STC1: variants seen among roughly 807,000 people sequenced by gnomAD.
STC1 encodes the protein stanniocalcin-1.
STC1 carries 7 observed loss-of-function variants against 22.6 expected under a neutral mutation model. The ratio of observed to expected loss-of-function variants is 0.31; its 90% CI spans 0.18 to 0.58. The LOEUF is 0.58. STC1 is among the 20% of genes least tolerant of loss of function. The probability of loss-of-function intolerance (pLI) is 0.89; values close to 1 mark genes in which losing one functional copy is unlikely to be tolerated. For synonymous variants in STC1, 113 were observed against 120.7 expected, an observed-to-expected ratio of 0.94 and a Z score of 0.42; for missense variants, 224 against 311.0, an observed-to-expected ratio of 0.72 and a Z score of 2.10.
In STC1 at chr8:23,844,987, C is replaced by T. The variant is rs1802554866; in HGVS notation, c.527G>A (p.Ser176Asn). ...SLLECDEDTV[S>N]TIRDSLMEKI... Reference sequence around the variant, plus strand: ...CTCCATCAGGCTGTCTCTGATTGTGCTGACTGTGTCTTCATCACATTCCAG... The same window carrying T: ...CTCCATCAGGCTGTCTCTGATTGTGTTGACTGTGTCTTCATCACATTCCAG... Residue 176 changes from serine to asparagine, a missense_variant, in exon 4 of 4, where the codon AGC (serine) becomes AAC (asparagine). Physicochemically the swap from Ser to Asn is conservative, Grantham distance 46. Coordinates refer to ENST00000290271, the MANE Select transcript of STC1 (RefSeq NM_003155.3). The T allele has an allele frequency of 6.2e-7, 1 of 1,614,064 alleles. No individual in the cohort carries two copies. Among genetic ancestry groups the T allele is most frequent in the Admixed American group, 1.7e-5 (1 of 60,010 alleles).
intron 2 of STC1, 59 bp from the exon 3 acceptor site, chr8:23,851,590 C>A (rs1213663297): frequency 3.9e-6 from 6 of 1,530,768 alleles, no homozygotes; most frequent in Admixed American, 3.6e-5. Context: ...AGAGGATGGG[C>A]ATATACATGG....
At chr8:23,852,744 GCA>G (rs1460243808) in intron 1 of STC1, among the ~76,000 whole-genome samples, 1 of 152,164 alleles carries the variant, frequency 6.6e-6, no homozygotes, top group Non-Finnish European at 1.5e-5. Context: ...GCACTTGAAA[GCA>G]TGGGAAGGAA....
intron 2 of STC1, 95 bp downstream of exon 2, chr8:23,852,147 G>C: frequency 2.0e-6 from 3 of 1,507,404 alleles, no homozygotes; most frequent in Non-Finnish European, 2.7e-6. Context: ...TGAGAAGCAG[G>C]GCTGGTTCCC....
In STC1 at chr8:23,851,511, C is replaced by G; in HGVS notation, c.282G>C (p.Glu94Asp). Residue 94 changes from glutamate to aspartate, a missense_variant, in exon 3 of 4, where the codon GAG becomes GAC. Physicochemically the swap from Glu to Asp is conservative, Grantham distance 45. Transcript: ENST00000290271. ...FDTQGKAFVK[E>D]SLKCIANGVT... is the part of the protein sequence containing the mutation. Reference sequence around the variant, plus strand: ...CCCCGTTGGCGATGCATTTTAAGCTCTCTTTGACGAATGCTTTTCCCTGCC... The same window carrying G: ...CCCCGTTGGCGATGCATTTTAAGCTGTCTTTGACGAATGCTTTTCCCTGCC... 1 of 1,614,130 alleles carries G rather than the reference C, an allele frequency of 6.2e-7. No homozygotes were observed. Among genetic ancestry groups the G allele is most frequent in the Non-Finnish European group, 8.5e-7 (1 of 1,180,022 alleles).
At position 23,842,461 on chromosome 8, in the gene STC1, C is replaced by G. The variant is rs1802522375; in HGVS notation, c.*2309G>C. ...CATCGTGGGGAGAAAAGGGGGGGTA[C>G]CACGGTTTGAAGAGGTCACAGCCAA... On this transcript the variant is annotated 3_prime_UTR_variant, in exon 4 of 4. Coordinates refer to ENST00000290271, the MANE Select transcript of STC1 (RefSeq NM_003155.3). 7.9e-6 allele frequency: 1 copy of G among 127,172 alleles called. No homozygotes were observed. Among genetic ancestry groups the G allele is most frequent in the African/African-American group, 3.1e-5 (1 of 32,190 alleles). The allele number at this position is 127,172 out of a possible 1,614,324, so 7.9% of individuals were successfully genotyped here. A position where few individuals can be genotyped will look rare whatever the true frequency, so the allele number is the denominator to read the frequency against.
At position 23,844,605 on chromosome 8, in the gene STC1, G is replaced by A. The variant is rs1210635113; in HGVS notation, c.*165C>T. The A allele has an allele frequency of 5.3e-6, 4 of 752,468 alleles. No individual in the cohort carries two copies. The Admixed American group carries it at 1.2e-4, about 22-fold the overall frequency. 46.6% of individuals were successfully genotyped at this position (752,468 alleles called of 1,614,324 possible). A position where few individuals can be genotyped will look rare whatever the true frequency, so the allele number is the denominator to read the frequency against. The stretch of plus-strand genomic sequence containing the variant: ...GGAATGCTGCCATTGCAGAATGTTG[G>A]GATATTGATTACAGAAGCCTAGTTT... On this transcript the variant is annotated 3_prime_UTR_variant, in exon 4 of 4. Transcript: ENST00000290271.
intron 3 of STC1, among the ~76,000 whole-genome samples, chr8:23,848,892 G>A (rs1012175860): frequency 6.6e-6 from 1 of 152,160 alleles, no homozygotes; most frequent in Admixed American, 6.5e-5. Flanking sequence ...AGAGTTGGAA[G>A]CTTTGTCAGT....
intron 3 of STC1, 91 bp downstream of exon 3, chr8:23,851,229 T>C: frequency 8.3e-7 from 1 of 1,208,652 alleles, no homozygotes; most frequent in Non-Finnish European, 1.2e-6. Context: ...AGCATGACTG[T>C]GGCAATTTAA....
At chr8:23,851,119 A>G (rs1405266505) in intron 3 of STC1, among the ~76,000 whole-genome samples, 2 of 151,908 alleles carry the variant, frequency 1.3e-5, no homozygotes, top group Non-Finnish European at 2.9e-5. Context: ...TTTTCCTATA[A>G]CAGTAGGGAA....
chr8:23,854,766 G>A lies in STC1; in HGVS notation c.-243C>T, dbSNP rs1364695045. On this transcript the variant is annotated 5_prime_UTR_variant, in exon 1 of 4. Coordinates refer to ENST00000290271, the MANE Select transcript of STC1 (RefSeq NM_003155.3). Reference sequence around the variant, plus strand: ...TGCCACCGCCGCTGCTGCTGCTGCTGCTGCAGTCGCTGCTTCTTGCACCTC... The same window carrying A: ...TGCCACCGCCGCTGCTGCTGCTGCTACTGCAGTCGCTGCTTCTTGCACCTC... 1.6e-6 allele frequency: 1 copy of A among 608,112 alleles called. No homozygotes were observed. The highest frequency in any genetic ancestry group is 3.1e-6 in the Non-Finnish European group (1 of 327,170). 37.7% of individuals were successfully genotyped at this position (608,112 alleles called of 1,614,324 possible).
chr8:23,854,290 T>A, intron 1 of STC1, 116 bp downstream of exon 1: 1 of 1,046,908 alleles, frequency 9.6e-7, no homozygotes, highest in Non-Finnish European at 1.4e-6. Flanking sequence ...TTTATTGCCA[T>A]CAGGCATGAA....
At position 23,842,980 on chromosome 8, in the gene STC1, C is replaced by T. The variant is rs1358999950; in HGVS notation, c.*1790G>A. 1.3e-5 allele frequency: 2 copies of T among 152,616 alleles called. No homozygotes were observed. The highest frequency in any genetic ancestry group is 4.8e-5 in the African/African-American group (2 of 41,422). The allele number at this position is 152,616 out of a possible 1,614,324, so 9.5% of individuals were successfully genotyped here. On this transcript the variant is annotated 3_prime_UTR_variant, in exon 4 of 4. Transcript: ENST00000290271. Reference sequence around the variant, plus strand: ...CTTTTCATTTTTCTGGAGATGTGCCCTCTCTCCTCCCACCAGGATCCCTAT... The same window carrying T: ...CTTTTCATTTTTCTGGAGATGTGCCTTCTCTCCTCCCACCAGGATCCCTAT...
In STC1 at chr8:23,851,381, C is replaced by T. The variant is rs1477056147; in HGVS notation, c.412G>A (p.Ala138Thr). ...GTGATGGCTTCAGGGTTCCGCTTGG[C>T]GATGCTGCACACATTCAGCTTGCTG... ...CYSKLNVCSI[A>T]KRNPEAITEV... The change falls in exon 3 of 4, where the codon GCC becomes ACC. Residue 138 changes from alanine to threonine, a missense_variant. Coordinates refer to ENST00000290271, the MANE Select transcript of STC1 (RefSeq NM_003155.3). 12 of 1,614,108 alleles carry T rather than the reference C, an allele frequency of 7.4e-6. No homozygotes were observed. Among genetic ancestry groups the T allele is most frequent in the East Asian group, 2.2e-5 (1 of 44,868 alleles).
rs747922337 is a variant in STC1, at chr8:23,844,725, TA to T, written c.*44del. On this transcript the variant is annotated 3_prime_UTR_variant, in exon 4 of 4. Coordinates refer to ENST00000290271, the MANE Select transcript of STC1 (RefSeq NM_003155.3). Reference sequence around the variant, plus strand: ...CTCAAAACTGGTGTGTCAACACCCCTAAAATGATACTAGTTTGGTGAGGTTG... The same window carrying T: ...CTCAAAACTGGTGTGTCAACACCCCTAAATGATACTAGTTTGGTGAGGTTG... 1 of 1,600,742 alleles carries T rather than the reference TA, an allele frequency of 6.2e-7. No homozygotes were observed. The highest frequency in any genetic ancestry group is 1.1e-5 in the South Asian group (1 of 90,380).
At chr8:23,852,151 G>T in intron 2 of STC1, 91 bp downstream of exon 2, 22 of 1,529,660 alleles carry the variant, frequency 1.4e-5, no homozygotes, top group Non-Finnish European at 2.0e-5. Flanking sequence ...AAGCAGGGCT[G>T]GTTCCCTACA....
rs193149116 is a variant in STC1, at chr8:23,853,138, A to G, written c.119-754T>C. ...TGGAAGAAAACCGCAAAAAACTTGCATGAGGCTTTCTACATTCTGGATAAG... is the reference window on the plus strand; with the variant it reads ...TGGAAGAAAACCGCAAAAAACTTGCGTGAGGCTTTCTACATTCTGGATAAG... On this transcript the variant is annotated intron_variant, in intron 1 of 3. Coordinates refer to ENST00000290271, the MANE Select transcript of STC1 (RefSeq NM_003155.3). Among the ~76,000 whole-genome samples, 3 of 152,360 alleles carry G rather than the reference A, an allele frequency of 2.0e-5. No individual in the cohort carries two copies. In the East Asian group the frequency reaches 5.8e-4, roughly 29 times the overall value.
chr8:23,842,442 G>A lies in STC1; in HGVS notation c.*2328C>T, dbSNP rs1399134194. 2 of 147,372 alleles carry A rather than the reference G, an allele frequency of 1.4e-5. No homozygotes were observed. Among genetic ancestry groups the A allele is most frequent in the Non-Finnish European group, 3.0e-5 (2 of 67,240 alleles). The allele number at this position is 147,372 out of a possible 1,614,324, so 9.1% of individuals were successfully genotyped here. On this transcript the variant is annotated 3_prime_UTR_variant, in exon 4 of 4. Transcript: ENST00000290271. ...TAGATACATATATAGATATCATCGTGGGGAGAAAAGGGGGGGTACCACGGT... is the reference window on the plus strand; with the variant it reads ...TAGATACATATATAGATATCATCGTAGGGAGAAAAGGGGGGGTACCACGGT...
At chr8:23,851,615 G>T in intron 2 of STC1, 84 bp from the exon 3 acceptor site, 2 of 1,200,730 alleles carry the variant, frequency 1.7e-6, no homozygotes, top group Non-Finnish European at 2.4e-6. Flanking sequence ...ATTTAAGGGG[G>T]CTCATCTGGG....
In STC1 at chr8:23,842,538, A is replaced by G. The variant is rs1178721076; in HGVS notation, c.*2232T>C. On this transcript the variant is annotated 3_prime_UTR_variant, in exon 4 of 4. Transcript: ENST00000290271. Reference sequence around the variant, plus strand: ...AAAAAGGAAATCTACTGAACTGAAGAAAGAGAGAAATTTGCTAGGAATACT... The same window carrying G: ...AAAAAGGAAATCTACTGAACTGAAGGAAGAGAGAAATTTGCTAGGAATACT... 6.6e-6 allele frequency: 1 copy of G among 152,114 alleles called. No individual in the cohort carries two copies. Among genetic ancestry groups the G allele is most frequent in the African/African-American group, 2.4e-5 (1 of 41,336 alleles). 9.4% of individuals were successfully genotyped at this position (152,114 alleles called of 1,614,324 possible). A position where few individuals can be genotyped will look rare whatever the true frequency, so the allele number is the denominator to read the frequency against.
Sources: gnomAD v4.1 joint callset for allele counts (sites outside exome capture counted in the v4.1 genomes callset) on GRCh38, gnomAD v4.1.1 for gene constraint, MANE v1.5 for transcripts, NCBI Gene and HGNC (gene_info 2026-07-23, HGNC 2026-07-21) for gene names.